The following STK33 variants were observed in gnomAD, a reference collection of about 807,000 sequenced individuals.
STK33 encodes serine/threonine kinase 33, also known as serine/threonine-protein kinase 33.
Under a neutral mutation model 58.0 loss-of-function variants are expected in STK33, and 52 were observed. The ratio of observed to expected loss-of-function variants is 0.90; its 90% CI spans 0.72 to 1.13. The LOEUF (loss-of-function observed/expected upper bound fraction) is 1.13. Ranked by LOEUF, STK33 falls within the 50% of genes most tolerant of loss-of-function variation. The pLI, the probability that STK33 is intolerant of heterozygous loss-of-function variation, is 0.00. For missense variants in STK33, 630 were observed against 604.2 expected (o/e 1.04, Z -0.45); for synonymous variants, 215 against 200.1 (o/e 1.07, Z -0.63).
intron 1 of STK33, among the ~76,000 whole-genome samples, chr11:8,522,388 A>T (rs950795901): frequency 7.2e-5 from 11 of 152,038 alleles, no homozygotes; most frequent in African/African-American, 2.2e-4. Context: ...AAAACCAAAC[A>T]CCGCATGTTC....
intron 1 of STK33, among the ~76,000 whole-genome samples, chr11:8,519,084 G>C (rs958733448): frequency 2.6e-5 from 4 of 152,240 alleles, no homozygotes; most frequent in East Asian, 3.9e-4. Flanking sequence ...TGACCACATA[G>C]TTGGAAGTAA....
chr11:8,453,744 C>T (rs1946546836), intron 10 of STK33, among the ~76,000 whole-genome samples: 1 of 152,190 alleles, frequency 6.6e-6, no homozygotes, highest in African/African-American at 2.4e-5. Flanking sequence ...ACAATGAATG[C>T]AAAGTTTCCA....
chr11:8,343,806 G>C, the STK33 span, among the ~76,000 whole-genome samples: 8 of 152,082 alleles, frequency 5.3e-5, no homozygotes, highest in East Asian at 1.9e-4. Context: ...TAGCCCTCGA[G>C]GGCAGTGCCC....
intron 14 of STK33, among the ~76,000 whole-genome samples, chr11:8,432,703 G>C (rs1016186624): frequency 6.6e-6 from 1 of 152,312 alleles, no homozygotes; most frequent in Non-Finnish European, 1.5e-5. Flanking sequence ...AGGGCGCTGA[G>C]AGAACTACAT....
chr11:8,396,127 G>A (rs1003613101), intron 15 of STK33, among the ~76,000 whole-genome samples: 1 of 151,954 alleles, frequency 6.6e-6, no homozygotes, highest in African/African-American at 2.4e-5. Context: ...TTTTGAGGTG[G>A]AGTTTTGCTC....
intron 1 of STK33, among the ~76,000 whole-genome samples, chr11:8,567,473 G>C (rs1957528655): frequency 6.6e-6 from 1 of 152,144 alleles, no homozygotes; most frequent in Non-Finnish European, 1.5e-5. Flanking sequence ...TAATTTCAGA[G>C]AATATAAAGA....
At chr11:8,460,139 T>C (rs1348782817) in intron 8 of STK33, among the ~76,000 whole-genome samples, 1 of 152,170 alleles carries the variant, frequency 6.6e-6, no homozygotes, top group Non-Finnish European at 1.5e-5. Flanking sequence ...ATCATTAGAA[T>C]ATTAAAATAT....
At chr11:8,375,300 C>T in the STK33 span, among the ~76,000 whole-genome samples, 2,446 of 152,304 alleles carry the variant, frequency 0.016, 39 homozygotes, top group Admixed American at 0.051. Flanking sequence ...TAACAACTAG[C>T]ATTTAAGGCA....
chr11:8,398,780 A>G (rs1207437653), intron 15 of STK33, among the ~76,000 whole-genome samples: 3 of 128,786 alleles, frequency 2.3e-5, no homozygotes, highest in East Asian at 2.7e-4. Context: ...TACCAAGCAA[A>G]TGGAAAACAA....
chr11:8,585,382 AC>A (rs1423139634), intron 1 of STK33, among the ~76,000 whole-genome samples: 1 of 145,906 alleles, frequency 6.9e-6, no homozygotes, highest in Non-Finnish European at 1.5e-5. Context: ...CCACTACTAC[AC>A]CCGGCTAATT....
intron 1 of STK33, among the ~76,000 whole-genome samples, chr11:8,558,741 T>G (rs375034749): frequency 6.6e-6 from 1 of 152,232 alleles, no homozygotes; most frequent in Admixed American, 6.5e-5. Context: ...TGCTGTATTC[T>G]GTGTTCACCT....
At chr11:8,335,326 A>T in the STK33 span, among the ~76,000 whole-genome samples, 2 of 151,724 alleles carry the variant, frequency 1.3e-5, no homozygotes, top group African/African-American at 4.8e-5. Context: ...GAAGAAGGAA[A>T]CTCCCGAGGG....
At chr11:8,514,132 T>C (rs564499062) in intron 1 of STK33, among the ~76,000 whole-genome samples, 1 of 152,366 alleles carries the variant, frequency 6.6e-6, no homozygotes, top group Admixed American at 6.5e-5. Flanking sequence ...AACTATGTTG[T>C]TGCAAATGAC....
chr11:8,351,086 C>A, the STK33 span, among the ~76,000 whole-genome samples: 125 of 152,220 alleles, frequency 8.2e-4, no homozygotes, highest in African/African-American at 2.8e-3. Context: ...CCAGATAGGA[C>A]AACTAACTAC....
chr11:8,355,780 T>A, the STK33 span, among the ~76,000 whole-genome samples: 1 of 152,190 alleles, frequency 6.6e-6, no homozygotes, highest in African/African-American at 2.4e-5. Context: ...ACTGAGAGGG[T>A]TGAACGAGTG....
intron 14 of STK33, among the ~76,000 whole-genome samples, chr11:8,432,206 G>A (rs1943505245): frequency 6.6e-6 from 1 of 152,168 alleles, no homozygotes; most frequent in South Asian, 2.1e-4. Context: ...TTAATTTATA[G>A]CAGTGGCTTT....
the STK33 span, among the ~76,000 whole-genome samples, chr11:8,385,538 C>G: frequency 6.6e-6 from 1 of 152,210 alleles, no homozygotes; most frequent in Non-Finnish European, 1.5e-5. Context: ...CTGTAATCCT[C>G]TATGATAGCA....
the STK33 span, among the ~76,000 whole-genome samples, chr11:8,377,977 T>A: frequency 3.6e-4 from 54 of 152,086 alleles, 1 homozygote; most frequent in Non-Finnish European, 1.3e-4. Context: ...TAGAAACACA[T>A]CCCAAGCTCA....
chr11:8,462,851 A>G (rs930890943), intron 7 of STK33, among the ~76,000 whole-genome samples: 1 of 151,978 alleles, frequency 6.6e-6, no homozygotes, highest in Non-Finnish European at 1.5e-5. Flanking sequence ...ACCCCTATTG[A>G]TCTTGAAATT....
Sources: gnomAD v4.1 joint callset for allele counts (sites outside exome capture counted in the v4.1 genomes callset) on GRCh38, gnomAD v4.1.1 for gene constraint, MANE v1.5 for transcripts, NCBI Gene and HGNC (gene_info 2026-07-23, HGNC 2026-07-21) for gene names.